CIROZ: variants seen among roughly 807,000 people sequenced by gnomAD.
CIROZ encodes the protein ciliated left-right organizer ZP-N domains-containing protein.
At chr1:10,961,896 G>A in the CIROZ span, among the ~76,000 whole-genome samples, 1,337 of 152,060 alleles carry the variant, frequency 8.8e-3, 11 homozygotes, top group South Asian at 0.035. Context: ...ACAGTGAGCC[G>A]AGATCACACC....
the CIROZ span, among the ~76,000 whole-genome samples, chr1:10,975,358 T>C: frequency 6.7e-6 from 1 of 148,184 alleles, no homozygotes; most frequent in Non-Finnish European, 1.5e-5. Context: ...TGAGCCGAAG[T>C]TGTGCCACTG....
the CIROZ span, among the ~76,000 whole-genome samples, chr1:10,972,212 G>A: frequency 1.3e-5 from 2 of 152,144 alleles, no homozygotes; most frequent in Non-Finnish European, 2.9e-5. Context: ...TCCCCCAATA[G>A]AGCCCTGCCC....
the CIROZ span, chr1:10,976,281 G>A: frequency 6.8e-7 from 1 of 1,468,424 alleles, no homozygotes. Context: ...GGAAGGGGGT[G>A]GGGACATGCA....
chr1:10,958,859 G>A, the CIROZ span: 4,642 of 1,128,282 alleles, frequency 4.1e-3, 26 homozygotes, highest in Admixed American at 5.3e-3. Context: ...GCAGGAGGCC[G>A]GTGAGAGAGC....
the CIROZ span, among the ~76,000 whole-genome samples, chr1:10,954,398 G>A: frequency 6.6e-6 from 1 of 150,866 alleles, no homozygotes; most frequent in Non-Finnish European, 1.5e-5. Flanking sequence ...AGGTTTCAGT[G>A]AGCCGAGATC....
chr1:10,947,820 G>A, the CIROZ span: 1 of 1,600,180 alleles, frequency 6.2e-7, no homozygotes, highest in Admixed American at 1.7e-5. Context: ...CACCAGGCTG[G>A]GTAGCAACAC....
the CIROZ span, among the ~76,000 whole-genome samples, chr1:10,981,292 A>G: frequency 6.6e-6 from 1 of 152,116 alleles, no homozygotes; most frequent in Non-Finnish European, 1.5e-5. Context: ...CTACAAAAAA[A>G]TTAAAAAATT....
At chr1:10,953,143 C>T in the CIROZ span, among the ~76,000 whole-genome samples, 1 of 152,184 alleles carries the variant, frequency 6.6e-6, no homozygotes, top group Non-Finnish European at 1.5e-5. Context: ...GGCAGTCCCC[C>T]TTTTAATCTT....
At chr1:10,958,856 G>A in the CIROZ span, 6 of 1,156,130 alleles carry the variant, frequency 5.2e-6, no homozygotes, top group Non-Finnish European at 7.6e-6. Context: ...CCAGCAGGAG[G>A]CCGGTGAGAG....
the CIROZ span, among the ~76,000 whole-genome samples, chr1:10,969,715 G>C: frequency 6.6e-6 from 1 of 152,222 alleles, no homozygotes; most frequent in African/African-American, 2.4e-5. Flanking sequence ...CTGTTGGGAA[G>C]AGGGGCGCAG....
the CIROZ span, among the ~76,000 whole-genome samples, chr1:10,975,681 T>A: frequency 6.6e-6 from 1 of 151,856 alleles, no homozygotes; most frequent in Non-Finnish European, 1.5e-5. Flanking sequence ...CAAAGACATG[T>A]TACTCCCACA....
chr1:10,961,696 C>G, the CIROZ span, among the ~76,000 whole-genome samples: 30 of 152,310 alleles, frequency 2.0e-4, no homozygotes, highest in East Asian at 5.6e-3. Flanking sequence ...GTAATCCTAG[C>G]ATTTTGGGAG....
the CIROZ span, chr1:10,964,291 C>A: frequency 1.9e-6 from 3 of 1,594,240 alleles, no homozygotes; most frequent in Admixed American, 1.8e-5. Context: ...GGGCAAAATT[C>A]ATGTATGCAA....
the CIROZ span, among the ~76,000 whole-genome samples, chr1:10,966,661 C>T: frequency 4.6e-5 from 7 of 152,270 alleles, no homozygotes; most frequent in South Asian, 2.1e-4. Flanking sequence ...CAGGAAAGCC[C>T]GATGGTTCTT....
At chr1:10,977,023 G>T in the CIROZ span, among the ~76,000 whole-genome samples, 3 of 152,102 alleles carry the variant, frequency 2.0e-5, no homozygotes, top group African/African-American at 7.2e-5. Flanking sequence ...GCTGGGCATG[G>T]TGGCGCATGC....
chr1:10,959,043 C>A, the CIROZ span, among the ~76,000 whole-genome samples: 2 of 152,338 alleles, frequency 1.3e-5, no homozygotes, highest in African/African-American at 4.8e-5. This position sits in a 1 kb window ranked among gnomAD's most constrained non-coding sequence, Gnocchi z 4.3. Context: ...GTGCATGGGA[C>A]CAACCCTGCT....
the CIROZ span, among the ~76,000 whole-genome samples, chr1:10,963,727 T>C: frequency 1.2e-3 from 176 of 152,042 alleles, 1 homozygote; most frequent in African/African-American, 4.1e-3. Context: ...CTCTTTGACA[T>C]TACCCAGGTC....
the CIROZ span, chr1:10,969,894 G>T: frequency 6.9e-7 from 1 of 1,448,618 alleles, no homozygotes; most frequent in Non-Finnish European, 9.0e-7. Context: ...AGCCATGGGG[G>T]AGGAGCATTG....
At chr1:10,954,795 G>A in the CIROZ span, among the ~76,000 whole-genome samples, 2 of 152,134 alleles carry the variant, frequency 1.3e-5, no homozygotes, top group Non-Finnish European at 2.9e-5. Flanking sequence ...GTCTCACTAT[G>A]TTTCCCAGGC....
Sources: allele counts gnomAD v4.1 joint callset (sites outside exome capture counted in the v4.1 genomes callset), GRCh38; gene constraint gnomAD v4.1.1; non-coding constraint Gnocchi (gnomAD v3.1); transcripts MANE v1.5; gene names NCBI Gene and HGNC (gene_info 2026-07-23, HGNC 2026-07-21).